Variants in INPP4B observed in about 807,000 individuals in gnomAD.
INPP4B encodes inositol polyphosphate 4-phosphatase type II.
INPP4B carries 55 observed loss-of-function variants against 122.5 expected under a neutral mutation model. That is an observed-to-expected ratio of 0.45 (90% CI 0.36 to 0.56). INPP4B has a LOEUF of 0.56. Ranked by LOEUF, INPP4B falls within the 20% of genes least tolerant of loss-of-function variation. The probability of loss-of-function intolerance (pLI) is 0.00; values close to 1 mark genes in which losing one functional copy is unlikely to be tolerated. For synonymous variants in INPP4B, 403 were observed against 388.7 expected (o/e 1.04, Z -0.43); for missense variants, 1,000 against 1,097.7 (o/e 0.91, Z 1.26).
At chr4:142,364,896 A>G (rs1194539650) in intron 7 of INPP4B, among the ~76,000 whole-genome samples, 1 of 152,088 alleles carries the variant, frequency 6.6e-6, no homozygotes, top group Non-Finnish European at 1.5e-5. Flanking sequence ...TGCAAGGGAC[A>G]ACTAACTGTA....
chr4:142,037,498 T>C (rs1258675357), intron 25 of INPP4B, among the ~76,000 whole-genome samples: 1 of 152,196 alleles, frequency 6.6e-6, no homozygotes, highest in Non-Finnish European at 1.5e-5. Flanking sequence ...CCTTTGACTA[T>C]AGCTATTCAA....
intron 2 of INPP4B, among the ~76,000 whole-genome samples, chr4:142,538,825 A>C (rs1362198206): frequency 1.3e-5 from 2 of 152,042 alleles, no homozygotes; most frequent in East Asian, 3.9e-4. Context: ...TTGAAATAAG[A>C]CTTCCCTCAA....
At chr4:142,551,601 G>A (rs535959871) in intron 2 of INPP4B, among the ~76,000 whole-genome samples, 31 of 152,204 alleles carry the variant, frequency 2.0e-4, no homozygotes, top group Non-Finnish European at 3.7e-4. Context: ...CAAAGGTCTC[G>A]TGTGAGTGTT....
At chr4:142,590,377 T>C (rs748077255) in intron 2 of INPP4B, among the ~76,000 whole-genome samples, 1 of 152,202 alleles carries the variant, frequency 6.6e-6, no homozygotes, top group Non-Finnish European at 1.5e-5. Context: ...GACAAGGTAT[T>C]GACCAAGCAA....
chr4:142,836,632 T>C (rs1782811263), intron 1 of INPP4B, among the ~76,000 whole-genome samples: 1 of 151,264 alleles, frequency 6.6e-6, no homozygotes, highest in African/African-American at 2.4e-5. Flanking sequence ...GGAAAAAAAT[T>C]ATTAAAGAAT....
Position 142,396,790 on chromosome 4 carries a change from A to T in INPP4B, c.372+6148T>A, listed in dbSNP as rs139722264. 1.5e-3 allele frequency among the ~76,000 whole-genome samples: 234 copies of T among 152,266 alleles called. 2 individuals are homozygous for T. The highest frequency in any genetic ancestry group is 5.3e-3 in the African/African-American group (222 of 41,560). On this transcript the variant is annotated intron_variant, in intron 7 of 25. Coordinates refer to ENST00000262992, the MANE Select transcript of INPP4B (RefSeq NM_001101669.3). ...ATAAAAAGGAATGGGCTAATGATTC[A>T]TGCAGGAAATTAATTAATCTAAAAA...
intron 7 of INPP4B, among the ~76,000 whole-genome samples, chr4:142,392,306 T>A (rs1473851790): frequency 6.6e-6 from 1 of 152,186 alleles, no homozygotes; most frequent in Non-Finnish European, 1.5e-5. Flanking sequence ...ATCTTAAGAC[T>A]CTTATCTTTG....
chr4:142,090,071 G>A (rs1203906827), intron 23 of INPP4B, among the ~76,000 whole-genome samples: 1 of 152,104 alleles, frequency 6.6e-6, no homozygotes, highest in African/African-American at 2.4e-5. Flanking sequence ...CCAGAACAGA[G>A]CATGATTTAT....
intron 2 of INPP4B, among the ~76,000 whole-genome samples, chr4:142,652,194 T>C (rs1393360469): frequency 3.3e-5 from 5 of 152,156 alleles, no homozygotes; most frequent in Non-Finnish European, 5.9e-5. Context: ...AAACTCTCAA[T>C]AAACTAGGTA....
intron 2 of INPP4B, among the ~76,000 whole-genome samples, chr4:142,554,197 A>AG (rs1728619500): frequency 1.4e-5 from 2 of 144,872 alleles, no homozygotes; most frequent in East Asian, 2.6e-4. Flanking sequence ...TCAAAAAAAA[A>AG]AAAAAAAAGA....
intron 24 of INPP4B, among the ~76,000 whole-genome samples, chr4:142,085,537 GCTT>G (rs1776316169): frequency 6.6e-6 from 1 of 152,010 alleles, no homozygotes; most frequent in Admixed American, 6.6e-5. Context: ...AAAAATACAG[GCTT>G]TTTTTTTGTT....
intron 21 of INPP4B, among the ~76,000 whole-genome samples, chr4:142,118,870 G>C (rs1163100361): frequency 6.6e-6 from 1 of 151,924 alleles, no homozygotes; most frequent in African/African-American, 2.4e-5. Flanking sequence ...CTACAGAATT[G>C]GAGAAAATTT....
intron 9 of INPP4B, among the ~76,000 whole-genome samples, chr4:142,284,725 A>C (rs1752723431): frequency 6.6e-6 from 1 of 152,064 alleles, no homozygotes; most frequent in South Asian, 2.1e-4. Flanking sequence ...AGTATTAGCA[A>C]GGGTACCTAT....
intron 2 of INPP4B, among the ~76,000 whole-genome samples, chr4:142,626,142 T>C (rs1008479147): frequency 1.3e-5 from 2 of 152,222 alleles, no homozygotes; most frequent in South Asian, 2.1e-4. Flanking sequence ...TGGGATCTCA[T>C]TAAACTAAAG....
intron 22 of INPP4B, among the ~76,000 whole-genome samples, chr4:142,110,266 G>C (rs1362419847): frequency 6.6e-6 from 1 of 152,078 alleles, no homozygotes; most frequent in Non-Finnish European, 1.5e-5. Flanking sequence ...TCAGTTGTCT[G>C]ACAGCCAGAA....
chr4:142,115,142 C>A (rs1379005416), intron 21 of INPP4B, among the ~76,000 whole-genome samples: 1 of 151,980 alleles, frequency 6.6e-6, no homozygotes, highest in Non-Finnish European at 1.5e-5. Context: ...ACAAAGCCTC[C>A]AAGAAATATG....
At chr4:142,144,734 A>G (rs2152839415) in intron 18 of INPP4B, among the ~76,000 whole-genome samples, 1 of 152,248 alleles carries the variant, frequency 6.6e-6, no homozygotes, top group African/African-American at 2.4e-5. Context: ...CAACAAGAAT[A>G]CTTTAGAAAG....
intron 12 of INPP4B, among the ~76,000 whole-genome samples, chr4:142,223,839 C>T (rs190677013): frequency 3.9e-4 from 59 of 152,272 alleles, no homozygotes; most frequent in Admixed American, 3.9e-3. Flanking sequence ...ATCTTTAATG[C>T]ATATTTTTTT....
At chr4:142,115,274 A>C (rs1209399322) in intron 21 of INPP4B, among the ~76,000 whole-genome samples, 4 of 152,200 alleles carry the variant, frequency 2.6e-5, no homozygotes, top group African/African-American at 9.6e-5. Flanking sequence ...AAATCTAGCA[A>C]GGCAGGCCAA....
Sources: gnomAD v4.1 joint callset for allele counts (sites outside exome capture counted in the v4.1 genomes callset) on GRCh38, gnomAD v4.1.1 for gene constraint, MANE v1.5 for transcripts, NCBI Gene and HGNC (gene_info 2026-07-23, HGNC 2026-07-21) for gene names.